SCAI: variants seen among roughly 807,000 people sequenced by gnomAD.
The protein encoded by SCAI is suppressor of cancer cell invasion, also known as protein SCAI.
Under a neutral mutation model 92.2 loss-of-function variants are expected in SCAI, and 24 were observed. That is an observed-to-expected ratio of 0.26 (90% CI 0.19 to 0.37). SCAI has a LOEUF of 0.37. SCAI is among the 10% of genes least tolerant of loss of function. The pLI is 1.00. For missense variants in SCAI, 450 were observed against 736.2 expected, an observed-to-expected ratio of 0.61 and a Z score of 4.50; for synonymous variants, 261 against 258.6, an observed-to-expected ratio of 1.01 and a Z score of -0.09.
chr9:125,042,617 G>GTGTGTGTT (rs763963980), intron 3 of SCAI, among the ~76,000 whole-genome samples: 16 of 75,074 alleles, frequency 2.1e-4, no homozygotes, highest in African/African-American at 8.6e-4. Flanking sequence ...ACCAGAGTAT[G>GTGTGTGTT]TGTGTGTGTG....
chr9:125,107,981 G>A (rs866054084), intron 2 of SCAI, among the ~76,000 whole-genome samples: 4 of 152,174 alleles, frequency 2.6e-5, no homozygotes, highest in African/African-American at 7.2e-5. Context: ...GCAGGCGCGC[G>A]CCGCCATGCC....
intron 14 of SCAI, among the ~76,000 whole-genome samples, chr9:124,994,392 A>C (rs1159308855): frequency 6.6e-6 from 1 of 152,184 alleles, no homozygotes; most frequent in Non-Finnish European, 1.5e-5. Context: ...GTGAAATATA[A>C]AACGAAGGAT....
rs1588210367 is a variant in SCAI, at chr9:125,087,888, C to T, written c.99-31881G>A. 1.2e-4 allele frequency among the ~76,000 whole-genome samples: 18 copies of T among 152,164 alleles called. 1 individual carries two copies. In the South Asian group the frequency reaches 3.7e-3, roughly 32 times the overall value. On this transcript the variant is annotated intron_variant, in intron 2 of 17. Transcript: ENST00000336505. ...ATACCTAGAATTTGCTTCAAAAACT[C>T]AGGGTTAGGTGAGTGTGGATATACA...
intron 2 of SCAI, among the ~76,000 whole-genome samples, chr9:125,086,284 A>C (rs1425991332): frequency 6.6e-6 from 1 of 152,188 alleles, no homozygotes; most frequent in Non-Finnish European, 1.5e-5. Context: ...AATATGCACT[A>C]ATCAAAGGCA....
At chr9:125,071,201 C>T (rs1171785949) in intron 2 of SCAI, among the ~76,000 whole-genome samples, 4 of 152,046 alleles carry the variant, frequency 2.6e-5, no homozygotes, top group Non-Finnish European at 4.4e-5. Context: ...TGAAAATGGA[C>T]TAATGTACTA....
intron 3 of SCAI, among the ~76,000 whole-genome samples, chr9:125,049,034 C>T (rs920460938): frequency 3.9e-5 from 6 of 152,000 alleles, no homozygotes; most frequent in Non-Finnish European, 7.4e-5. Flanking sequence ...CGTGAGCCAC[C>T]GCACCTGGCT....
chr9:125,019,134 C>T lies in SCAI; in HGVS notation c.681G>A (p.Val227=), dbSNP rs749987251. ...NTEDQVEWNL[V]LQEVAAFIEA... ...CAATGAAAGCTGCTACTTCTTGAAG[C>T]ACCAAGTTCCATTCCACTTGATCTT... Residue 227 remains valine (V), a synonymous_variant, in exon 8 of 18, where the codon GTG becomes GTA. Transcript: ENST00000336505. The T allele has an allele frequency of 5.6e-6, 9 of 1,603,622 alleles. No homozygotes were observed. The highest frequency in any genetic ancestry group is 7.7e-6 in the Non-Finnish European group (9 of 1,175,564).
At chr9:125,124,669 T>C (rs958342798) in intron 2 of SCAI, among the ~76,000 whole-genome samples, 1 of 152,160 alleles carries the variant, frequency 6.6e-6, no homozygotes, top group East Asian at 1.9e-4. Context: ...ATTAATTTCA[T>C]CCAGAAACAT....
At chr9:125,117,650 A>G (rs1835074561) in intron 2 of SCAI, among the ~76,000 whole-genome samples, 1 of 118,498 alleles carries the variant, frequency 8.4e-6, no homozygotes, top group South Asian at 3.1e-4. Flanking sequence ...TGGGCGACAG[A>G]GTGAGACTCC....
chr9:125,134,571 T>C (rs927766614), intron 2 of SCAI, among the ~76,000 whole-genome samples: 2 of 152,242 alleles, frequency 1.3e-5, no homozygotes, highest in East Asian at 3.8e-4. Flanking sequence ...ATCTTGTTCC[T>C]AATAGGACCA....
At chr9:124,965,256 T>G (rs1831516590) in intron 17 of SCAI, among the ~76,000 whole-genome samples, 1 of 152,152 alleles carries the variant, frequency 6.6e-6, no homozygotes, top group African/African-American at 2.4e-5. Context: ...CGGGGGGGAA[T>G]GGAGTCTTGC....
intron 17 of SCAI, among the ~76,000 whole-genome samples, chr9:124,958,048 C>T (rs1361617716): frequency 1.3e-5 from 2 of 152,204 alleles, no homozygotes; most frequent in East Asian, 3.9e-4. Context: ...GAAACACATG[C>T]AAGACCTGTA....
At chr9:124,971,332 A>C (rs745787986) in intron 17 of SCAI, 38 bp downstream of exon 17, 1 of 1,193,778 alleles carries the variant, frequency 8.4e-7, no homozygotes, top group Non-Finnish European at 1.2e-6. Context: ...AAATACCTAA[A>C]ATGATAAAAT....
At chr9:125,049,424 C>A (rs1160345929) in intron 3 of SCAI, among the ~76,000 whole-genome samples, 2 of 152,212 alleles carry the variant, frequency 1.3e-5, no homozygotes, top group Non-Finnish European at 2.9e-5. Flanking sequence ...GCAACCAGAA[C>A]CCTGCAAGCA....
intron 2 of SCAI, among the ~76,000 whole-genome samples, chr9:125,090,285 A>C (rs1248315473): frequency 2.0e-5 from 3 of 152,176 alleles, no homozygotes; most frequent in African/African-American, 4.8e-5. Context: ...TCTAGATTTC[A>C]AGAAAGGAGG....
chr9:124,959,042 C>A (rs1403498849), intron 17 of SCAI, among the ~76,000 whole-genome samples: 1 of 151,684 alleles, frequency 6.6e-6, no homozygotes, highest in Admixed American at 6.6e-5. Context: ...TTGCATTGAA[C>A]TAAACTTTTA....
intron 17 of SCAI, among the ~76,000 whole-genome samples, chr9:124,959,378 TG>T (rs777915573): frequency 3.9e-4 from 58 of 150,552 alleles, no homozygotes; most frequent in Non-Finnish European, 3.4e-4. Context: ...ACAACAATGT[TG>T]GCAAGAATGA....
chr9:125,004,664 T>C (rs754746061), intron 9 of SCAI, among the ~76,000 whole-genome samples: 3 of 143,820 alleles, frequency 2.1e-5, no homozygotes. Flanking sequence ...AGTTTGATAG[T>C]AATCCTTGCT....
intron 2 of SCAI, among the ~76,000 whole-genome samples, chr9:125,097,811 T>C (rs1834589751): frequency 1.3e-5 from 2 of 151,684 alleles, no homozygotes; most frequent in Non-Finnish European, 2.9e-5. Flanking sequence ...ATTACAGATA[T>C]TTCGTGAACC....
Sources: gnomAD v4.1 joint callset for allele counts (sites outside exome capture counted in the v4.1 genomes callset) on GRCh38, gnomAD v4.1.1 for gene constraint, MANE v1.5 for transcripts, NCBI Gene and HGNC (gene_info 2026-07-23, HGNC 2026-07-21) for gene names.